Variants in ZNF486 observed in about 807,000 individuals in gnomAD.
ZNF486 encodes zinc finger protein 486.
ZNF486 carries 12 observed loss-of-function variants against 12.8 expected under a neutral mutation model. That is an observed-to-expected ratio of 0.94 (90% CI 0.60 to 1.52). The LOEUF (loss-of-function observed/expected upper bound fraction) is 1.52. ZNF486 is among the 40% of genes most tolerant of loss of function. The pLI, the probability that ZNF486 is intolerant of heterozygous loss-of-function variation, is 0.00. For synonymous variants in ZNF486, 231 were observed against 184.9 expected (o/e 1.25, Z -2.02); for missense variants, 738 against 545.0 (o/e 1.35, Z -3.53).
At chr19:20,178,475 C>G (rs77802412) in intron 1 of ZNF486, among the ~76,000 whole-genome samples, 2 of 152,090 alleles carry the variant, frequency 1.3e-5, no homozygotes, top group African/African-American at 2.4e-5. Context: ...ATCTCCTGAC[C>G]TCATGATCTG....
At chr19:20,191,646 T>A (rs1277438472) in intron 3 of ZNF486, among the ~76,000 whole-genome samples, 1 of 150,820 alleles carries the variant, frequency 6.6e-6, no homozygotes, top group Non-Finnish European at 1.5e-5. Flanking sequence ...GGTGGGCGCC[T>A]GTAGTCCCAG....
In ZNF486 at chr19:20,167,336, G is replaced by C; in HGVS notation, c.6G>C (p.Pro2=). 2 of 1,613,988 alleles carry C rather than the reference G, an allele frequency of 1.2e-6. No homozygotes were observed. The highest frequency in any genetic ancestry group is 1.7e-6 in the Non-Finnish European group (2 of 1,179,908). ...TTGGGAGATCCACAGCCAAGATGCC[G>C]GGACCCCTTAGAAGCCTAGAAATGG... M[P]GPLRSLEMES... is the part of the protein sequence containing the mutation. The change falls in exon 1 of 4, where the codon CCG becomes CCC. Residue 2 remains proline (P), a synonymous_variant. Transcript: ENST00000335117.
At chr19:20,178,571 C>G (rs1555715149) in intron 1 of ZNF486, among the ~76,000 whole-genome samples, 1 of 152,138 alleles carries the variant, frequency 6.6e-6, no homozygotes, top group Non-Finnish European at 1.5e-5. Context: ...ATTATTGTTT[C>G]CAAACACTGT....
chr19:20,174,512 C>A (rs2089684094), intron 1 of ZNF486, among the ~76,000 whole-genome samples: 1 of 151,984 alleles, frequency 6.6e-6, no homozygotes, highest in Admixed American at 6.5e-5. Flanking sequence ...CCTCAGCCTT[C>A]CGAGTAGCTG....
At chr19:20,185,230 A>AT (rs1406348845) in intron 2 of ZNF486, among the ~76,000 whole-genome samples, 1 of 151,934 alleles carries the variant, frequency 6.6e-6, no homozygotes, top group African/African-American at 2.4e-5. Flanking sequence ...CTTCTTAGTA[A>AT]TTTTTTAAAG....
At chr19:20,170,193 G>A (rs375654185) in intron 1 of ZNF486, among the ~76,000 whole-genome samples, 2 of 148,242 alleles carry the variant, frequency 1.3e-5, no homozygotes, top group Non-Finnish European at 1.5e-5. Context: ...CACCGCGCCC[G>A]GCCAAAATGG....
At chr19:20,195,200 GCT>G (rs1193995554) in intron 3 of ZNF486, among the ~76,000 whole-genome samples, 3 of 151,988 alleles carry the variant, frequency 2.0e-5, no homozygotes, top group African/African-American at 7.2e-5. Context: ...AGACAGTGTT[GCT>G]CTGTTTCCCA....
intron 1 of ZNF486, among the ~76,000 whole-genome samples, chr19:20,174,422 T>C (rs2089682989): frequency 6.6e-6 from 1 of 151,800 alleles, no homozygotes; most frequent in African/African-American, 2.4e-5. Flanking sequence ...TGAGAGAGTC[T>C]CTGTTGCCCA....
chr19:20,196,666 G>T (rs547803107), intron 3 of ZNF486, among the ~76,000 whole-genome samples: 59 of 152,338 alleles, frequency 3.9e-4, no homozygotes, highest in African/African-American at 1.3e-3. Context: ...TTATACTGGA[G>T]AGCAGGAAGA....
chr19:20,176,187 GGGGCA>G (rs2089711984), intron 1 of ZNF486: 1 of 156,616 alleles, frequency 6.4e-6, no homozygotes, highest in African/African-American at 3.5e-5. Context: ...TATCCCAGAC[GGGGCA>G]GCGGGGCAGA....
At chr19:20,168,830 A>G (rs1016347381) in intron 1 of ZNF486, among the ~76,000 whole-genome samples, 2 of 152,034 alleles carry the variant, frequency 1.3e-5, no homozygotes, top group Admixed American at 1.3e-4. Flanking sequence ...AGTCTGCAAA[A>G]GGAGGGGGTT....
chr19:20,167,910 C>A (rs1209377122), intron 1 of ZNF486, among the ~76,000 whole-genome samples: 1 of 151,956 alleles, frequency 6.6e-6, no homozygotes, highest in Admixed American at 6.6e-5. Flanking sequence ...GTAAAACAAC[C>A]CTACCCCTTT....
chr19:20,191,544 T>C (rs2089902937), intron 3 of ZNF486, among the ~76,000 whole-genome samples: 1 of 149,614 alleles, frequency 6.7e-6, no homozygotes, highest in Non-Finnish European at 1.5e-5. Context: ...CCCAGGTGGG[T>C]GGATCACGAG....
intron 3 of ZNF486, among the ~76,000 whole-genome samples, chr19:20,190,474 T>A (rs1224772942): frequency 6.6e-6 from 1 of 152,194 alleles, no homozygotes; most frequent in South Asian, 2.1e-4. Context: ...AGCCTCAGCC[T>A]CCTGGGCTCA....
rs550483261 is a variant in ZNF486, at chr19:20,197,706, T to G, written c.996T>G (p.Ile332Met). The change falls in exon 4 of 4, where the codon ATT becomes ATG. Residue 332 changes from isoleucine (I) to methionine (M), a missense_variant. Coordinates refer to ENST00000335117, the MANE Select transcript of ZNF486 (RefSeq NM_052852.4). Reference protein sequence around the residue: ...YTCDKCGKAFISSSILSKHEK... With the variant: ...YTCDKCGKAFMSSSILSKHEK... ...GTGATAAATGTGGCAAAGCCTTTAT[T>G]TCATCCTCGATCCTTAGTAAACATG... 1.2e-6 allele frequency: 2 copies of G among 1,612,240 alleles called. No homozygotes were observed. The highest frequency in any genetic ancestry group is 4.5e-5 in the East Asian group (2 of 44,706).
At chr19:20,169,588 C>G (rs987449266) in intron 1 of ZNF486, among the ~76,000 whole-genome samples, 2 of 152,070 alleles carry the variant, frequency 1.3e-5, no homozygotes, top group Non-Finnish European at 2.9e-5. Context: ...GAGGGTCTTA[C>G]TGATAATAAA....
At chr19:20,191,838 G>T (rs1426415066) in intron 3 of ZNF486, among the ~76,000 whole-genome samples, 1 of 152,046 alleles carries the variant, frequency 6.6e-6, no homozygotes, top group African/African-American at 2.4e-5. Flanking sequence ...AAATAATATG[G>T]TCTATAATGT....
rs2089821934 is a variant in ZNF486 at position 20,184,574 on chromosome 19, TAA to T, written c.157+95_157+96del. 5 of 1,363,342 alleles carry T rather than the reference TAA, an allele frequency of 3.7e-6. No homozygotes were observed. In the South Asian group the frequency reaches 4.8e-5, roughly 13 times the overall value. 84.5% of individuals were successfully genotyped at this position (1,363,342 alleles called of 1,614,324 possible). A position where few individuals can be genotyped will look rare whatever the true frequency, so the allele number is the denominator to read the frequency against. On this transcript the variant is annotated intron_variant, in intron 2 of 3. Transcript: ENST00000335117. ...TGATTTTAGTAATTTATCCTTTGCATAAAAGAGTTCCAGATGTCCTTTTTCCA... is the reference window on the plus strand; with the variant it reads ...TGATTTTAGTAATTTATCCTTTGCATAAGAGTTCCAGATGTCCTTTTTCCA...
intron 1 of ZNF486, among the ~76,000 whole-genome samples, chr19:20,181,792 A>C (rs1780609002): frequency 6.6e-6 from 1 of 152,198 alleles, no homozygotes; most frequent in African/African-American, 2.4e-5. Flanking sequence ...GTTTTAAAAA[A>C]ATTCATGACA....
Sources: gnomAD v4.1 joint callset for allele counts (sites outside exome capture counted in the v4.1 genomes callset) on GRCh38, gnomAD v4.1.1 for gene constraint, MANE v1.5 for transcripts, NCBI Gene and HGNC (gene_info 2026-07-23, HGNC 2026-07-21) for gene names.